LRBA: variants seen among roughly 807,000 people sequenced by gnomAD.
LRBA encodes LPS responsive beige-like anchor protein, also known as lipopolysaccharide-responsive and beige-like anchor protein.
Under a neutral mutation model 330.0 loss-of-function variants are expected in LRBA, and 176 were observed. The observed-to-expected ratio is 0.53, with a 90% CI of 0.47 to 0.60. The LOEUF (loss-of-function observed/expected upper bound fraction) is 0.60, where lower values mean the gene tolerates loss of function less well. Among genes scored for constraint, LRBA ranks in the 20% least tolerant of loss-of-function variants. LRBA has a pLI of 0.00. For synonymous variants in LRBA, 1,230 were observed against 1,193.0 expected (o/e 1.03, Z -0.64); for missense variants, 3,259 against 3,444.8 (o/e 0.95, Z 1.35).
At chr4:150,452,610 C>A (rs12331720) in intron 44 of LRBA, among the ~76,000 whole-genome samples, 130,841 of 149,888 alleles carry the variant, frequency 0.87, 57,920 homozygotes, top group Non-Finnish European at 0.96. Flanking sequence ...CAACAGAGCA[C>A]GACTCCATCT....
intron 40 of LRBA, among the ~76,000 whole-genome samples, chr4:150,505,359 A>T (rs1421253282): frequency 2.0e-5 from 3 of 152,220 alleles, no homozygotes; most frequent in East Asian, 1.9e-4. Flanking sequence ...ATGTAAAAGA[A>T]CAGAAATTAT....
chr4:150,471,270 G>C (rs1407991493), intron 43 of LRBA, among the ~76,000 whole-genome samples: 2 of 152,052 alleles, frequency 1.3e-5, no homozygotes, highest in African/African-American at 4.8e-5. Flanking sequence ...TCCTCTGCTA[G>C]TCAAATAGTA....
In LRBA at chr4:150,379,251, C is replaced by T. The variant is rs188853258; in HGVS notation, c.7195-29092G>A. ...CCGGGAGGCAGAGGTTGTAGTGAGC[C>T]GAGATCACGCCATCGCACTCCAGCC... On this transcript the variant is annotated intron_variant, in intron 47 of 56. Coordinates refer to ENST00000651943, the MANE Select transcript of LRBA (RefSeq NM_001364905.1). 2.3e-4 allele frequency among the ~76,000 whole-genome samples: 30 copies of T among 131,096 alleles called. No homozygotes were observed. The East Asian group carries it at 6.1e-3, about 26-fold the overall frequency. The allele number at this position is 131,096 out of a possible 152,430, so 86.0% of individuals were successfully genotyped here. A position where few individuals can be genotyped will look rare whatever the true frequency, so the allele number is the denominator to read the frequency against.
chr4:150,532,130 T>A (rs1406548835), intron 40 of LRBA, among the ~76,000 whole-genome samples: 1 of 152,202 alleles, frequency 6.6e-6, no homozygotes, highest in African/African-American at 2.4e-5. Flanking sequence ...TGATTACTCC[T>A]TTTCCTTATG....
At chr4:150,703,811 G>A (rs1355074663) in intron 36 of LRBA, among the ~76,000 whole-genome samples, 1 of 151,282 alleles carries the variant, frequency 6.6e-6, no homozygotes, top group Non-Finnish European at 1.5e-5. Flanking sequence ...TGTTATATTT[G>A]TATGAATTTA....
chr4:150,376,510 A>G (rs1446981021), intron 47 of LRBA, among the ~76,000 whole-genome samples: 5 of 152,236 alleles, frequency 3.3e-5, no homozygotes, highest in Admixed American at 3.3e-4. Flanking sequence ...AGCAACTTAT[A>G]TAATCAAAGA....
chr4:150,418,939 G>A (rs1413897872), intron 46 of LRBA, among the ~76,000 whole-genome samples: 1 of 152,110 alleles, frequency 6.6e-6, no homozygotes, highest in Non-Finnish European at 1.5e-5. Context: ...AGGGAAGCAA[G>A]TTCTCAAAAT....
chr4:150,803,507 A>G (rs997226230), intron 33 of LRBA, among the ~76,000 whole-genome samples: 4 of 152,136 alleles, frequency 2.6e-5, no homozygotes, highest in African/African-American at 9.6e-5. Context: ...TTTTTTAAAA[A>G]TTAAGAAGCT....
At chr4:150,764,935 T>C (rs549268945) in intron 34 of LRBA, among the ~76,000 whole-genome samples, 7 of 151,884 alleles carry the variant, frequency 4.6e-5, no homozygotes, top group South Asian at 2.1e-4. Context: ...ACCAAGGGAG[T>C]TGAAAACTTA....
chr4:151,005,602 CTTTT>C (rs1187161237), intron 2 of LRBA, among the ~76,000 whole-genome samples: 2 of 103,016 alleles, frequency 1.9e-5, no homozygotes, highest in African/African-American at 4.6e-5. Context: ...GTTACCCAGG[CTTTT>C]TTTTTTTTTT....
chr4:150,760,933 G>C (rs1011510717), intron 35 of LRBA, among the ~76,000 whole-genome samples: 1 of 152,248 alleles, frequency 6.6e-6, no homozygotes, highest in South Asian at 2.1e-4. Flanking sequence ...ACATTTATGA[G>C]AGATAGAGAG....
intron 36 of LRBA, among the ~76,000 whole-genome samples, chr4:150,718,105 T>A (rs1728472147): frequency 1.3e-5 from 2 of 152,160 alleles, no homozygotes; most frequent in South Asian, 4.1e-4. Context: ...AAATATTCTG[T>A]TTATAACCAT....
intron 40 of LRBA, among the ~76,000 whole-genome samples, chr4:150,492,881 G>A (rs953589368): frequency 6.6e-6 from 1 of 152,082 alleles, no homozygotes; most frequent in Non-Finnish European, 1.5e-5. Context: ...CCTCTGCAGG[G>A]AAGCCACAGG....
At chr4:150,633,116 A>G (rs887011350) in intron 37 of LRBA, among the ~76,000 whole-genome samples, 1 of 152,222 alleles carries the variant, frequency 6.6e-6, no homozygotes, top group African/African-American at 2.4e-5. Flanking sequence ...AGAACATGAA[A>G]TCAAACACAG....
chr4:150,443,670 G>C (rs1341282171), intron 44 of LRBA, among the ~76,000 whole-genome samples: 1 of 151,738 alleles, frequency 6.6e-6, no homozygotes, highest in Admixed American at 6.6e-5. Flanking sequence ...ACACAGGAAG[G>C]GGAACATCAC....
intron 46 of LRBA, among the ~76,000 whole-genome samples, chr4:150,434,088 G>A (rs1056444451): frequency 1.3e-5 from 2 of 152,062 alleles, no homozygotes; most frequent in African/African-American, 2.4e-5. Flanking sequence ...CACATTAGCA[G>A]TATAACTTTT....
At chr4:150,416,982 TG>T (rs200818565) in intron 46 of LRBA, among the ~76,000 whole-genome samples, 57,065 of 151,700 alleles carry the variant, frequency 0.38, 11,561 homozygotes, top group Non-Finnish European at 0.47. Context: ...CGTTACCAGT[TG>T]GACAAAATAT....
rs150907201 is a variant in LRBA at position 150,835,866 on chromosome 4, C to T, written c.4570-3890G>A. 4.3e-4 allele frequency among the ~76,000 whole-genome samples: 66 copies of T among 152,262 alleles called. 2 individuals are homozygous for T. In the East Asian group the frequency reaches 0.012, roughly 29 times the overall value. On this transcript the variant is annotated intron_variant, in intron 28 of 56. Transcript: ENST00000651943. ...GAATAAGAGTGGTGAGAGAGGGCAT[C>T]GCTTTCTTGTGCCAGTTTTCAAAGG... is the stretch of plus-strand genomic sequence containing the variant.
chr4:150,702,021 T>C (rs778534018), intron 36 of LRBA, among the ~76,000 whole-genome samples: 3 of 152,022 alleles, frequency 2.0e-5, no homozygotes, highest in Admixed American at 6.6e-5. Context: ...AACAGAAAAC[T>C]ATAGGGGAAA....
Sources: gnomAD v4.1 joint callset for allele counts (sites outside exome capture counted in the v4.1 genomes callset) on GRCh38, gnomAD v4.1.1 for gene constraint, MANE v1.5 for transcripts, NCBI Gene and HGNC (gene_info 2026-07-23, HGNC 2026-07-21) for gene names.